The following RAB5C variants were observed in gnomAD, a reference collection of about 807,000 sequenced individuals.
The protein encoded by RAB5C is ras-related protein Rab-5C.
In RAB5C, 4 loss-of-function variants were observed where a neutral mutation model predicts 25.2. The ratio of observed to expected loss-of-function variants is 0.16; its 90% CI spans 0.08 to 0.36. RAB5C has a LOEUF of 0.36. RAB5C is among the 10% of genes least tolerant of loss of function. RAB5C has a pLI of 1.00. For missense variants in RAB5C, 199 were observed against 283.8 expected (o/e 0.70, Z 2.15); for synonymous variants, 100 against 106.4 (o/e 0.94, Z 0.37).
chr17:42,129,247 C>T (rs2054461789), intron 2 of RAB5C, among the ~76,000 whole-genome samples: 1 of 152,144 alleles, frequency 6.6e-6, no homozygotes, highest in Non-Finnish European at 1.5e-5. Context: ...TGTCACTGAC[C>T]TTGGGTTTCC....
chr17:42,132,538 A>T (rs893833423), intron 1 of RAB5C, among the ~76,000 whole-genome samples: 1 of 152,020 alleles, frequency 6.6e-6, no homozygotes, highest in Admixed American at 6.6e-5. Context: ...TGATGGAAGG[A>T]AATAATTTTT....
intron 1 of RAB5C, among the ~76,000 whole-genome samples, chr17:42,147,434 C>A (rs1468459221): frequency 2.6e-5 from 4 of 152,220 alleles, no homozygotes; most frequent in African/African-American, 9.6e-5. Flanking sequence ...GTCGGTGCTG[C>A]CTCACCACAC....
intron 1 of RAB5C, chr17:42,154,570 G>A (rs558791688): frequency 6.6e-6 from 1 of 152,368 alleles, no homozygotes; most frequent in South Asian, 2.1e-4. Context: ...AGAGAAGAGG[G>A]ACAGGTTCCT....
At position 42,126,406 on chromosome 17, in the gene RAB5C, G is replaced by A. The variant is rs558492998; in HGVS notation, c.535+349C>T. The A allele has an allele frequency of 4.5e-5, 8 of 177,434 alleles. No homozygotes were observed. The East Asian group carries it at 1.2e-3, about 27-fold the overall frequency. The allele number at this position is 177,434 out of a possible 1,614,324, so 11.0% of individuals were successfully genotyped here. On this transcript the variant is annotated intron_variant, in intron 5 of 5. Coordinates refer to ENST00000346213, the MANE Select transcript of RAB5C (RefSeq NM_004583.4). ...CCAGCACTTTGGGAGGCCGAGGCGG[G>A]TGGATCACGAGGTCAGGAGATCGAG...
At chr17:42,128,234 C>T in intron 4 of RAB5C, 27 bp downstream of exon 4, 1 of 1,607,876 alleles carries the variant, frequency 6.2e-7, no homozygotes, top group Middle Eastern at 1.7e-4. Flanking sequence ...TACTCCACTC[C>T]TTCCCCCAAG....
intron 1 of RAB5C, among the ~76,000 whole-genome samples, chr17:42,136,844 C>T (rs180831729): frequency 6.6e-6 from 1 of 152,308 alleles, no homozygotes; most frequent in Admixed American, 6.5e-5. Context: ...AGACTCATAA[C>T]TCAAGCAAGG....
chr17:42,141,822 C>T (rs969900469), intron 1 of RAB5C, among the ~76,000 whole-genome samples: 2 of 152,178 alleles, frequency 1.3e-5, no homozygotes, highest in Admixed American at 6.5e-5. Flanking sequence ...GGCCTGGCAT[C>T]GGGAAGCATT....
chr17:42,144,029 G>A (rs974224543), intron 1 of RAB5C, among the ~76,000 whole-genome samples: 2 of 152,006 alleles, frequency 1.3e-5, no homozygotes, highest in Admixed American at 1.3e-4. Flanking sequence ...CAGGTGATCC[G>A]CCCATCTTGG....
chr17:42,147,769 T>G (rs904269235), intron 1 of RAB5C, among the ~76,000 whole-genome samples: 1 of 152,028 alleles, frequency 6.6e-6, no homozygotes, highest in Non-Finnish European at 1.5e-5. Flanking sequence ...ACATCCAAAG[T>G]GTGTGAAGAA....
chr17:42,125,545 G>C lies in RAB5C; in HGVS notation c.*238C>G, dbSNP rs1555668523. 1 of 487,156 alleles carries C rather than the reference G, an allele frequency of 2.1e-6. No individual in the cohort carries two copies. Among genetic ancestry groups the C allele is most frequent in the Admixed American group, 3.6e-5 (1 of 27,986 alleles). The allele number at this position is 487,156 out of a possible 1,614,324, so 30.2% of individuals were successfully genotyped here. ...AGGGGAGGAAGTGGGAAGAGCAGAA[G>C]ATCATATATATTAAAAAAGTGACTT... On this transcript the variant is annotated 3_prime_UTR_variant, in exon 6 of 6. Coordinates refer to ENST00000346213, the MANE Select transcript of RAB5C (RefSeq NM_004583.4).
intron 1 of RAB5C, among the ~76,000 whole-genome samples, chr17:42,151,354 A>G (rs1568026593): frequency 6.6e-6 from 1 of 151,708 alleles, no homozygotes; most frequent in Admixed American, 6.6e-5. Context: ...GGAGAATGGC[A>G]TGAACCCGGG....
rs1598262698 is a variant in RAB5C at position 42,154,948 on chromosome 17, C to G, written c.-144G>C. ...GCCGGGGCTCGGACGGGATCCGCTTCTCTCCCCGCCGGCGGTGTCCCAGGC... is the reference window on the plus strand; with the variant it reads ...GCCGGGGCTCGGACGGGATCCGCTTGTCTCCCCGCCGGCGGTGTCCCAGGC... On this transcript the variant is annotated 5_prime_UTR_variant, in exon 1 of 6. Coordinates refer to ENST00000346213, the MANE Select transcript of RAB5C (RefSeq NM_004583.4). 1 of 152,422 alleles carries G rather than the reference C, an allele frequency of 6.6e-6. No individual in the cohort carries two copies. Among genetic ancestry groups the G allele is most frequent in the South Asian group, 2.1e-4 (1 of 4,838 alleles). The allele number at this position is 152,422 out of a possible 1,614,324, so 9.4% of individuals were successfully genotyped here. A position where few individuals can be genotyped will look rare whatever the true frequency, so the allele number is the denominator to read the frequency against.
chr17:42,133,015 ACT>A (rs906855811), intron 1 of RAB5C, among the ~76,000 whole-genome samples: 3 of 152,006 alleles, frequency 2.0e-5, no homozygotes, highest in Middle Eastern at 3.4e-3. Flanking sequence ...GGTGAATGAA[ACT>A]CTCTTTTTTT....
rs191328836 is a variant in RAB5C, at chr17:42,125,572, A to C, written c.*211T>G. 95 of 541,204 alleles carry C rather than the reference A, an allele frequency of 1.8e-4. No homozygotes were observed. In the East Asian group the frequency reaches 2.6e-3, roughly 15 times the overall value. 33.5% of individuals were successfully genotyped at this position (541,204 alleles called of 1,614,324 possible). On this transcript the variant is annotated 3_prime_UTR_variant, in exon 6 of 6. Coordinates refer to ENST00000346213, the MANE Select transcript of RAB5C (RefSeq NM_004583.4). ...TCATATATATTAAAAAAGTGACTTAAGACTTAAAATTGAATTAGTATTTGT... is the reference window on the plus strand; with the variant it reads ...TCATATATATTAAAAAAGTGACTTACGACTTAAAATTGAATTAGTATTTGT...
chr17:42,142,482 T>A (rs2079609144), intron 1 of RAB5C, among the ~76,000 whole-genome samples: 1 of 152,188 alleles, frequency 6.6e-6, no homozygotes, highest in Admixed American at 6.5e-5. Flanking sequence ...AAAACCAGGC[T>A]GCAAATGCTA....
intron 1 of RAB5C, among the ~76,000 whole-genome samples, chr17:42,133,490 G>A (rs2054506466): frequency 6.6e-6 from 1 of 152,240 alleles, no homozygotes; most frequent in African/African-American, 2.4e-5. Flanking sequence ...CTCTCCTGCA[G>A]TGGTTCTCAA....
chr17:42,126,671 G>A (rs1598242196), intron 5 of RAB5C, 84 bp downstream of exon 5: 2 of 618,234 alleles, frequency 3.2e-6, no homozygotes, highest in Non-Finnish European at 5.6e-6. Context: ...GTGGTGAAGG[G>A]ACCCCGCAGG....
intron 1 of RAB5C, among the ~76,000 whole-genome samples, chr17:42,145,985 T>C (rs1416424746): frequency 6.6e-6 from 1 of 152,114 alleles, no homozygotes; most frequent in Admixed American, 6.5e-5. Flanking sequence ...TTTTGTATTT[T>C]TAATAGAGAT....
chr17:42,146,995 G>C (rs186636105), intron 1 of RAB5C, among the ~76,000 whole-genome samples: 1 of 145,260 alleles, frequency 6.9e-6, no homozygotes, highest in Non-Finnish European at 1.5e-5. Context: ...GCAAGACTTC[G>C]TCAAGAAAGA....
Sources: gnomAD v4.1 joint callset for allele counts (sites outside exome capture counted in the v4.1 genomes callset) on GRCh38, gnomAD v4.1.1 for gene constraint, MANE v1.5 for transcripts, NCBI Gene and HGNC (gene_info 2026-07-23, HGNC 2026-07-21) for gene names.